Variants in PPIG observed in about 807,000 individuals in gnomAD.
PPIG encodes the protein peptidyl-prolyl cis-trans isomerase G.
PPIG carries 26 observed loss-of-function variants against 87.9 expected under a neutral mutation model. That is an observed-to-expected ratio of 0.30 (90% CI 0.22 to 0.41). The LOEUF (loss-of-function observed/expected upper bound fraction) is 0.41, where lower values mean the gene tolerates loss of function less well. Among genes scored for constraint, PPIG ranks in the 10% least tolerant of loss-of-function variants. PPIG has a pLI of 1.00. For synonymous variants in PPIG, 308 were observed against 276.5 expected (o/e 1.11, Z -1.13); for missense variants, 722 against 879.4 (o/e 0.82, Z 2.26).
In PPIG at chr2:169,592,303, CTTTTTTTTTTTT is replaced by C. The variant is rs777690234; in HGVS notation, c.-70+7821_-70+7832del. On this transcript the variant is annotated intron_variant, in intron 1 of 13. Transcript: ENST00000260970. The stretch of plus-strand genomic sequence containing the variant: ...GCATCTGGTTTCAGATGTCTTTTTT[CTTTTTTTTTTTT>C]TTTTTTTGAGATGGAGTCTCGCTCT... 1.7e-4 allele frequency among the ~76,000 whole-genome samples: 16 copies of C among 93,598 alleles called. 1 individual carries two copies. The highest frequency in any genetic ancestry group is 1.1e-3 in the Admixed American group (7 of 6,298). 61.4% of individuals were successfully genotyped at this position (93,598 alleles called of 152,430 possible). A position where few individuals can be genotyped will look rare whatever the true frequency, so the allele number is the denominator to read the frequency against.
intron 1 of PPIG, among the ~76,000 whole-genome samples, chr2:169,598,958 C>T (rs967098288): frequency 1.3e-5 from 2 of 150,886 alleles, no homozygotes; most frequent in African/African-American, 4.9e-5. Flanking sequence ...ACCTGTTCCT[C>T]CTTTATGGAC....
chr2:169,630,969 G>C lies in PPIG; in HGVS notation c.743G>C (p.Arg248Pro). ...AAACACAAGAAAGAAAAGAAAAAGC[G>C]AAAGAAAAGCAAGAAGAGGTCTTAA... is the stretch of plus-strand genomic sequence containing the variant. ...SRKHKKEKKK[R>P]KKSKKSASSE... Residue 248 changes from arginine to proline, a missense_variant, in exon 10 of 14, where the codon CGA (arginine) becomes CCA (proline). This residue lies in a region of PPIG where 142 missense variants were observed against 152.8 expected (regional missense o/e 0.93). Transcript: ENST00000260970. The C allele has an allele frequency of 6.3e-7, 1 of 1,593,926 alleles. No individual in the cohort carries two copies. The highest frequency in any genetic ancestry group is 2.2e-5 in the East Asian group (1 of 44,714).
At chr2:169,619,492 T>G (rs998386198) in intron 9 of PPIG, among the ~76,000 whole-genome samples, 41 of 152,154 alleles carry the variant, frequency 2.7e-4, no homozygotes, top group Middle Eastern at 3.2e-3. Flanking sequence ...CCATTATTAT[T>G]GTGTGGGAGT....
rs1686222748 is a variant in PPIG at position 169,637,752 on chromosome 2, G to A, written c.*229G>A. On this transcript the variant is annotated 3_prime_UTR_variant, in exon 14 of 14. Transcript: ENST00000260970. ...CTCGACATGAGAAAAACACTTTGGT[G>A]TAGTACTGTGTGCTGTGTTTAACTA... is the stretch of plus-strand genomic sequence containing the variant. 2.4e-6 allele frequency: 1 copy of A among 413,980 alleles called. No homozygotes were observed. The highest frequency in any genetic ancestry group is 4.2e-5 in the South Asian group (1 of 23,746). 25.6% of individuals were successfully genotyped at this position (413,980 alleles called of 1,614,324 possible). A position where few individuals can be genotyped will look rare whatever the true frequency, so the allele number is the denominator to read the frequency against.
chr2:169,627,432 T>C (rs375569539), intron 9 of PPIG, among the ~76,000 whole-genome samples: 8 of 152,242 alleles, frequency 5.3e-5, no homozygotes, highest in African/African-American at 1.9e-4. Flanking sequence ...TTCACTAGAA[T>C]GTTTTCTTCA....
intron 1 of PPIG, among the ~76,000 whole-genome samples, chr2:169,591,710 T>G (rs542494257): frequency 2.0e-5 from 3 of 151,784 alleles, no homozygotes; most frequent in Non-Finnish European, 4.4e-5. Context: ...CTAGAACATA[T>G]ATATGTCATC....
intron 1 of PPIG, among the ~76,000 whole-genome samples, chr2:169,596,163 C>T (rs557247034): frequency 6.6e-5 from 10 of 151,852 alleles, no homozygotes; most frequent in South Asian, 2.1e-4. Flanking sequence ...TGCAGTGGCG[C>T]GATCTTGGCT....
At position 169,633,329 on chromosome 2, in the gene PPIG, T is replaced by C. The variant is rs757364791; in HGVS notation, c.1017+82T>C. ...ATTTTAGGGTGTTTCTTAAATATTA[T>C]TTTAATGTGCAAGTAACTAAAATTT... is the stretch of plus-strand genomic sequence containing the variant. On this transcript the variant is annotated intron_variant, in intron 12 of 13. Coordinates refer to ENST00000260970, the MANE Select transcript of PPIG (RefSeq NM_004792.3). The C allele has an allele frequency of 2.7e-6, 3 of 1,116,146 alleles. No individual in the cohort carries two copies. In the South Asian group the frequency reaches 4.1e-5, roughly 15 times the overall value. 69.1% of individuals were successfully genotyped at this position (1,116,146 alleles called of 1,614,324 possible). A position where few individuals can be genotyped will look rare whatever the true frequency, so the allele number is the denominator to read the frequency against.
chr2:169,610,723 A>G (rs906502050), intron 7 of PPIG, among the ~76,000 whole-genome samples: 1 of 151,848 alleles, frequency 6.6e-6, no homozygotes, highest in East Asian at 1.9e-4. Flanking sequence ...CCTTTCTTAC[A>G]CCGTAGATGG....
intron 1 of PPIG, among the ~76,000 whole-genome samples, chr2:169,603,041 A>T (rs1685226832): frequency 6.6e-6 from 1 of 152,230 alleles, no homozygotes; most frequent in African/African-American, 2.4e-5. Flanking sequence ...GCTGGCTTGG[A>T]CAATGATAAT....
chr2:169,591,818 G>A (rs1190738092), intron 1 of PPIG, among the ~76,000 whole-genome samples: 1 of 150,226 alleles, frequency 6.7e-6, no homozygotes, highest in Non-Finnish European at 1.5e-5. Flanking sequence ...CTGGATTTTA[G>A]CTGTAGTTCA....
At chr2:169,628,760 G>A (rs1685960127) in intron 9 of PPIG, among the ~76,000 whole-genome samples, 2 of 151,706 alleles carry the variant, frequency 1.3e-5, no homozygotes, top group Admixed American at 1.3e-4. Context: ...GGCAACATGG[G>A]GAGAACTTGT....
intron 1 of PPIG, among the ~76,000 whole-genome samples, chr2:169,602,570 C>A (rs980799199): frequency 6.6e-6 from 1 of 152,196 alleles, no homozygotes; most frequent in Non-Finnish European, 1.5e-5. Context: ...CCTCAGCCCC[C>A]CAAAGTGCTG....
intron 4 of PPIG, 62 bp downstream of exon 4, chr2:169,604,323 C>G: frequency 2.4e-5 from 14 of 572,842 alleles, no homozygotes; most frequent in Non-Finnish European, 3.3e-5. Flanking sequence ...TGCTTGCTTG[C>G]TTGGTTTTTT....
In PPIG at chr2:169,639,066, T is replaced by C. The variant is rs377271638; in HGVS notation, c.*1543T>C. 6.6e-6 allele frequency: 1 copy of C among 152,056 alleles called. No homozygotes were observed. Among genetic ancestry groups the C allele is most frequent in the Non-Finnish European group, 1.5e-5 (1 of 67,912 alleles). The allele number at this position is 152,056 out of a possible 1,614,324, so 9.4% of individuals were successfully genotyped here. On this transcript the variant is annotated 3_prime_UTR_variant, in exon 14 of 14. Coordinates refer to ENST00000260970, the MANE Select transcript of PPIG (RefSeq NM_004792.3). The stretch of plus-strand genomic sequence containing the variant: ...ACTATTGATTAATGCAATATTGATA[T>C]ATTTGGCGTTGTGGTAGCTGTTGCA...
intron 1 of PPIG, among the ~76,000 whole-genome samples, chr2:169,587,520 G>A (rs1048104593): frequency 6.6e-6 from 1 of 152,156 alleles, no homozygotes; most frequent in African/African-American, 2.4e-5. Context: ...TATTACAGGC[G>A]TGAGCCACCG....
chr2:169,636,571 TC>T lies in PPIG; in HGVS notation c.1314del (p.Arg439GlufsTer14). On this transcript the variant is annotated frameshift_variant, in exon 14 of 14. Transcript: ENST00000260970. LOFTEE classifies it high-confidence loss of function. ...AAATCTAACAGCAAAGAGAGAGACA[TC>T]AGAAGAAATTCAGAAAAAGATGACA... ...DHKSNSKERDIRRNSEKDDKY... is the reference protein window; with the variant it reads ...DHKSNSKERDXRRNSEKDDKY... 6.3e-7 allele frequency: 1 copy of T among 1,597,768 alleles called. No homozygotes were observed. The highest frequency in any genetic ancestry group is 1.2e-5 in the South Asian group (1 of 86,594).
chr2:169,622,436 T>C (rs1185724613), intron 9 of PPIG, among the ~76,000 whole-genome samples: 2 of 152,234 alleles, frequency 1.3e-5, no homozygotes, highest in African/African-American at 4.8e-5. Context: ...TAATGCATTG[T>C]CATCTGAAGA....
chr2:169,618,388 C>A (rs996785979), intron 9 of PPIG, among the ~76,000 whole-genome samples: 1 of 152,066 alleles, frequency 6.6e-6, no homozygotes, highest in Non-Finnish European at 1.5e-5. Flanking sequence ...AGGGAGGAGT[C>A]CCCCTTTTTC....
Sources: allele counts gnomAD v4.1 joint callset (sites outside exome capture counted in the v4.1 genomes callset), GRCh38; gene constraint gnomAD v4.1.1; regional missense constraint gnomAD v4.1.1; transcripts MANE v1.5; gene names NCBI Gene and HGNC (gene_info 2026-07-23, HGNC 2026-07-21).